Variants in GRAMD1C observed in about 807,000 individuals in gnomAD.
The protein encoded by GRAMD1C is protein Aster-C.
A neutral mutation model predicts 97.8 loss-of-function variants in GRAMD1C; 89 were observed. The observed-to-expected ratio is 0.91, with a 90% confidence interval of 0.77 to 1.09. The LOEUF (loss-of-function observed/expected upper bound fraction) is 1.09. GRAMD1C is among the 50% of genes least tolerant of loss of function. The pLI is 0.00. For missense variants in GRAMD1C, 740 were observed against 766.4 expected (o/e 0.97, Z 0.41); for synonymous variants, 256 against 267.0 (o/e 0.96, Z 0.40).
chr3:113,833,214 T>G (rs1709584463), intron 1 of GRAMD1C, among the ~76,000 whole-genome samples: 2 of 150,858 alleles, frequency 1.3e-5, no homozygotes, highest in Admixed American at 1.3e-4. Flanking sequence ...CTTGGCTCAC[T>G]GCAACCTCTG....
chr3:113,935,671 C>T (rs1239193850), intron 13 of GRAMD1C, among the ~76,000 whole-genome samples: 3 of 151,752 alleles, frequency 2.0e-5, no homozygotes, highest in Admixed American at 2.0e-4. Context: ...TCTTGCCTTT[C>T]TTCCTTGTCT....
intron 10 of GRAMD1C, among the ~76,000 whole-genome samples, chr3:113,930,457 C>T (rs1937373032): frequency 2.0e-5 from 3 of 151,984 alleles, no homozygotes; most frequent in Admixed American, 1.3e-4. Context: ...ATTTTATCTT[C>T]TAATAAAAGG....
At chr3:113,882,476 C>T (rs929691510) in intron 5 of GRAMD1C, among the ~76,000 whole-genome samples, 1 of 152,044 alleles carries the variant, frequency 6.6e-6, no homozygotes, top group African/African-American at 2.4e-5. Flanking sequence ...AACTGATAAA[C>T]ATAAATAGCT....
chr3:113,916,643 T>G (rs1936825024), intron 10 of GRAMD1C, among the ~76,000 whole-genome samples: 1 of 152,162 alleles, frequency 6.6e-6, no homozygotes, highest in Non-Finnish European at 1.5e-5. Flanking sequence ...GGATGCTGGT[T>G]TAAGTTCTAT....
chr3:113,934,354 A>G (rs1288989597), intron 12 of GRAMD1C, 78 bp from the exon 13 acceptor site: 2 of 726,808 alleles, frequency 2.8e-6, no homozygotes, highest in Non-Finnish European at 4.8e-6. Flanking sequence ...ACTGAATACA[A>G]TCTTACATTT....
At chr3:113,863,656 C>T (rs1164010527) in intron 2 of GRAMD1C, among the ~76,000 whole-genome samples, 2 of 146,926 alleles carry the variant, frequency 1.4e-5, no homozygotes, top group Non-Finnish European at 3.0e-5. Context: ...AAAGTAAGTG[C>T]CATGTTGGTA....
In GRAMD1C at chr3:113,946,076, T is replaced by A. The variant is rs1938059742; in HGVS notation, c.*598T>A. The A allele has an allele frequency of 6.6e-6, 1 of 152,510 alleles. No homozygotes were observed. The highest frequency in any genetic ancestry group is 1.5e-5 in the Non-Finnish European group (1 of 68,038). The allele number at this position is 152,510 out of a possible 1,614,324, so 9.4% of individuals were successfully genotyped here. On this transcript the variant is annotated 3_prime_UTR_variant, in exon 18 of 18. Coordinates refer to ENST00000358160, the MANE Select transcript of GRAMD1C (RefSeq NM_017577.5). ...TATCAGAAAGGGTCTTCTGCCATGCTGTATCTTTATGAAAGAAATAGTTGT... is the reference window on the plus strand; with the variant it reads ...TATCAGAAAGGGTCTTCTGCCATGCAGTATCTTTATGAAAGAAATAGTTGT...
In GRAMD1C at chr3:113,946,902, T is replaced by C. The variant is rs1938117297; in HGVS notation, c.*1424T>C. 1 of 152,206 alleles carries C rather than the reference T, an allele frequency of 6.6e-6. No individual in the cohort carries two copies. Among genetic ancestry groups the C allele is most frequent in the Non-Finnish European group, 1.5e-5 (1 of 68,028 alleles). 9.4% of individuals were successfully genotyped at this position (152,206 alleles called of 1,614,324 possible). A position where few individuals can be genotyped will look rare whatever the true frequency, so the allele number is the denominator to read the frequency against. ...ACAGTGAACCTACCTGGGTTTGTTT[T>C]GTTTTGGTAAGGATTTATGTAGTGT... is the stretch of plus-strand genomic sequence containing the variant. On this transcript the variant is annotated 3_prime_UTR_variant, in exon 18 of 18. Coordinates refer to ENST00000358160, the MANE Select transcript of GRAMD1C (RefSeq NM_017577.5).
intron 10 of GRAMD1C, chr3:113,919,992 T>C: frequency 2.9e-6 from 2 of 679,776 alleles, no homozygotes; most frequent in Non-Finnish European, 5.4e-6. Flanking sequence ...ATGACCCTAC[T>C]CCAACAATCA....
At chr3:113,829,632 T>A (rs1293201290) in intron 1 of GRAMD1C, among the ~76,000 whole-genome samples, 1 of 152,252 alleles carries the variant, frequency 6.6e-6, no homozygotes, top group African/African-American at 2.4e-5. Context: ...ATAAAACTTT[T>A]ACTCAGATTT....
chr3:113,861,922 G>C (rs1280010613), intron 2 of GRAMD1C, among the ~76,000 whole-genome samples: 1 of 152,114 alleles, frequency 6.6e-6, no homozygotes, highest in Non-Finnish European at 1.5e-5. Context: ...GTCCGGGGGA[G>C]ACATCACATG....
chr3:113,882,799 C>G lies in GRAMD1C; in HGVS notation c.507C>G (p.Ile169Met). 6.3e-7 allele frequency: 1 copy of G among 1,595,732 alleles called. No individual in the cohort carries two copies. The highest frequency in any genetic ancestry group is 8.6e-7 in the Non-Finnish European group (1 of 1,163,864). Residue 169 changes from isoleucine (I) to methionine (M), a missense_variant, in exon 6 of 18, where the codon ATC becomes ATG. Ile to Met is a conservative substitution (Grantham distance 10). Transcript: ENST00000358160. ...CCAGGGATAGAAGTTACCTCAGTAT[C>G]TTTAGGTTGTGGCAGAATGTATTAT... is the stretch of plus-strand genomic sequence containing the variant. Reference protein sequence around the residue: ...FGARDRSYLSIFRLWQNVLLD... With the variant: ...FGARDRSYLSMFRLWQNVLLD...
chr3:113,865,020 T>C (rs556394359), intron 2 of GRAMD1C, among the ~76,000 whole-genome samples: 2 of 152,316 alleles, frequency 1.3e-5, no homozygotes, highest in South Asian at 2.1e-4. Flanking sequence ...TTTATTTGGC[T>C]CATGGTTCTG....
intron 10 of GRAMD1C, among the ~76,000 whole-genome samples, chr3:113,925,470 TC>T (rs1937199890): frequency 1.1e-5 from 1 of 87,646 alleles, no homozygotes. Context: ...AGACTGTGTC[TC>T]AAAAAACAAA....
chr3:113,940,040 G>C (rs1937697112), intron 16 of GRAMD1C, 44 bp downstream of exon 16: 2 of 1,102,794 alleles, frequency 1.8e-6, no homozygotes, highest in East Asian at 4.7e-5. Flanking sequence ...TATTATTTCA[G>C]TAATTCTTCA....
chr3:113,885,603 T>G, intron 6 of GRAMD1C: 1 of 1,528,614 alleles, frequency 6.5e-7, no homozygotes, highest in Non-Finnish European at 9.1e-7. Flanking sequence ...AGACAAACAT[T>G]CTGTCCGGTT....
chr3:113,845,196 A>G (rs1475500702), intron 2 of GRAMD1C, among the ~76,000 whole-genome samples: 1 of 152,208 alleles, frequency 6.6e-6, no homozygotes, highest in Admixed American at 6.5e-5. Flanking sequence ...GATTAGGCAC[A>G]TTAAGATCTT....
intron 2 of GRAMD1C, among the ~76,000 whole-genome samples, chr3:113,846,888 C>T (rs1342281408): frequency 6.6e-6 from 1 of 152,120 alleles, no homozygotes; most frequent in African/African-American, 2.4e-5. Context: ...AGTACAGTAT[C>T]TCATAAGTTT....
chr3:113,920,022 C>T, intron 10 of GRAMD1C: 1 of 785,688 alleles, frequency 1.3e-6, no homozygotes, highest in Non-Finnish European at 2.1e-6. Context: ...CAAAAAGTTT[C>T]AGTAAGGTAC....
Sources: gnomAD v4.1 joint callset for allele counts (sites outside exome capture counted in the v4.1 genomes callset) on GRCh38, gnomAD v4.1.1 for gene constraint, MANE v1.5 for transcripts, NCBI Gene and HGNC (gene_info 2026-07-23, HGNC 2026-07-21) for gene names.